The following FAF1 variants were observed in gnomAD, a reference collection of about 807,000 sequenced individuals.
FAF1 encodes FAS-associated factor 1.
FAF1 carries 25 observed loss-of-function variants against 92.5 expected under a neutral mutation model. That is an observed-to-expected ratio of 0.27 (90% CI 0.20 to 0.38). The LOEUF is 0.38. FAF1 is among the 10% of genes least tolerant of loss of function. The probability of loss-of-function intolerance (pLI) is 1.00; values close to 1 mark genes in which losing one functional copy is unlikely to be tolerated. For missense variants in FAF1, 636 were observed against 793.3 expected (o/e 0.80, Z 2.38); for synonymous variants, 234 against 273.2 (o/e 0.86, Z 1.42).
At chr1:50,673,181 C>T (rs1469577788) in intron 7 of FAF1, among the ~76,000 whole-genome samples, 2 of 151,866 alleles carry the variant, frequency 1.3e-5, no homozygotes. Context: ...TTGCTTGAAC[C>T]CGGGAGGCAG....
intron 14 of FAF1, among the ~76,000 whole-genome samples, chr1:50,536,334 G>T (rs925892271): frequency 6.6e-6 from 1 of 152,090 alleles, no homozygotes; most frequent in Non-Finnish European, 1.5e-5. Context: ...AATTCATGAG[G>T]ATATATAAAG....
intron 8 of FAF1, among the ~76,000 whole-genome samples, chr1:50,632,106 AAAGCAAATGACTGATGATT>A (rs1653816719): frequency 6.6e-6 from 1 of 152,206 alleles, no homozygotes; most frequent in Non-Finnish European, 1.5e-5. Context: ...ACTGTATATC[AAAGCAAATGACTGATGATT>A]AAGTTAACAA....
chr1:50,917,418 A>C (rs1644925798), intron 1 of FAF1, among the ~76,000 whole-genome samples: 1 of 152,096 alleles, frequency 6.6e-6, no homozygotes, highest in Non-Finnish European at 1.5e-5. Flanking sequence ...AGAACCAACA[A>C]ATAAAAATAG....
intron 1 of FAF1, among the ~76,000 whole-genome samples, chr1:50,929,438 G>T (rs1645031970): frequency 6.6e-6 from 1 of 152,108 alleles, no homozygotes; most frequent in South Asian, 2.1e-4. Context: ...ATCTTTGGTT[G>T]ATAAAATTGT....
chr1:50,629,566 G>A (rs1653667601), intron 8 of FAF1, among the ~76,000 whole-genome samples: 1 of 152,134 alleles, frequency 6.6e-6, no homozygotes, highest in African/African-American at 2.4e-5. Context: ...TGGGATTTAA[G>A]GTTCACAGAG....
At chr1:50,891,819 G>A (rs529845531) in intron 1 of FAF1, among the ~76,000 whole-genome samples, 2 of 152,350 alleles carry the variant, frequency 1.3e-5, no homozygotes, top group East Asian at 3.9e-4. Context: ...ACACACTTGA[G>A]GAGGCAGTCT....
chr1:50,777,516 C>T (rs1661006325), intron 4 of FAF1, among the ~76,000 whole-genome samples: 1 of 151,916 alleles, frequency 6.6e-6, no homozygotes, highest in Non-Finnish European at 1.5e-5. Flanking sequence ...CCTAAGTCAA[C>T]ACTATAAAAA....
chr1:50,919,772 C>T (rs927582049), intron 1 of FAF1, among the ~76,000 whole-genome samples: 5 of 151,854 alleles, frequency 3.3e-5, no homozygotes, highest in Admixed American at 1.3e-4. Context: ...CGCACCCAGC[C>T]GAAGAATATT....
At chr1:50,925,773 T>A (rs1447578501) in intron 1 of FAF1, among the ~76,000 whole-genome samples, 1 of 152,164 alleles carries the variant, frequency 6.6e-6, no homozygotes, top group Non-Finnish European at 1.5e-5. Context: ...GAAATCAACA[T>A]CAAAAGGATA....
intron 1 of FAF1, among the ~76,000 whole-genome samples, chr1:50,929,354 A>G (rs1488189743): frequency 6.6e-6 from 1 of 152,168 alleles, no homozygotes; most frequent in Non-Finnish European, 1.5e-5. Flanking sequence ...TATAAATTTT[A>G]TCCTGGATAG....
intron 1 of FAF1, among the ~76,000 whole-genome samples, chr1:50,886,465 G>C (rs1318830306): frequency 6.6e-6 from 1 of 152,000 alleles, no homozygotes; most frequent in Non-Finnish European, 1.5e-5. Context: ...TGCCATGTTT[G>C]TGTGCTGCAC....
At chr1:50,936,627 A>G (rs191430741) in intron 1 of FAF1, among the ~76,000 whole-genome samples, 1 of 152,368 alleles carries the variant, frequency 6.6e-6, no homozygotes, top group African/African-American at 2.4e-5. Context: ...AAGCAATTTA[A>G]TATGAAATTC....
intron 4 of FAF1, chr1:50,780,945 G>A: frequency 6.2e-6 from 3 of 482,222 alleles, no homozygotes; most frequent in Admixed American, 4.2e-5. Flanking sequence ...AAAAGGCTGA[G>A]CAGCAGGAAC....
chr1:50,460,087 T>C (rs1041439514), intron 18 of FAF1, among the ~76,000 whole-genome samples: 1 of 152,234 alleles, frequency 6.6e-6, no homozygotes, highest in Non-Finnish European at 1.5e-5. Flanking sequence ...GTATTGTGCA[T>C]AACAGGTGCT....
chr1:50,944,967 A>G (rs1645162615), intron 1 of FAF1, among the ~76,000 whole-genome samples: 1 of 151,012 alleles, frequency 6.6e-6, no homozygotes, highest in Non-Finnish European at 1.5e-5. Flanking sequence ...AGCTACAATC[A>G]GTGGCAAAAC....
At chr1:50,575,830 C>G (rs1650706236) in intron 12 of FAF1, among the ~76,000 whole-genome samples, 1 of 152,174 alleles carries the variant, frequency 6.6e-6, no homozygotes, top group Non-Finnish European at 1.5e-5. Flanking sequence ...AGAAACTTAC[C>G]AACTACAGCT....
Position 50,438,324 on chromosome 1 carries a change from CAGA to C in FAF1, c.*3113_*3115del, listed in dbSNP as rs1238140080. ...TTAAGGTCACGCAGCTACTAAGTGG[CAGA>C]AGAGAGGTTCAACTTGGAAGACACT... On this transcript the variant is annotated 3_prime_UTR_variant, in exon 19 of 19. Coordinates refer to ENST00000396153, the MANE Select transcript of FAF1 (RefSeq NM_007051.3). 2 of 152,280 alleles carry C rather than the reference CAGA, an allele frequency of 1.3e-5. No individual in the cohort carries two copies. The highest frequency in any genetic ancestry group is 3.9e-4 in the East Asian group (2 of 5,184). The allele number at this position is 152,280 out of a possible 1,614,324, so 9.4% of individuals were successfully genotyped here.
chr1:50,758,485 C>A (rs1660174827), intron 4 of FAF1, among the ~76,000 whole-genome samples: 1 of 152,242 alleles, frequency 6.6e-6, no homozygotes, highest in African/African-American at 2.4e-5. Context: ...ACACATTTTA[C>A]AAATGCTATA....
At chr1:50,648,360 G>A (rs937320476) in intron 8 of FAF1, among the ~76,000 whole-genome samples, 6 of 152,216 alleles carry the variant, frequency 3.9e-5, no homozygotes, top group South Asian at 2.1e-4. Context: ...ATGATTAAAT[G>A]ACAGAGTGGG....
Sources: gnomAD v4.1 joint callset for allele counts (sites outside exome capture counted in the v4.1 genomes callset) on GRCh38, gnomAD v4.1.1 for gene constraint, MANE v1.5 for transcripts, NCBI Gene and HGNC (gene_info 2026-07-23, HGNC 2026-07-21) for gene names.